The following PARD3 variants were observed in gnomAD, a reference collection of about 807,000 sequenced individuals.
PARD3 encodes partitioning defective 3 homolog.
In PARD3, 75 loss-of-function variants were observed where a neutral mutation model predicts 155.4. That is an observed-to-expected ratio of 0.48 (90% CI 0.40 to 0.58). PARD3 has a LOEUF of 0.58. Among genes scored for constraint, PARD3 ranks in the 20% least tolerant of loss-of-function variants. PARD3 has a pLI of 0.00. For synonymous variants in PARD3, 576 were observed against 610.5 expected (o/e 0.94, Z 0.83); for missense variants, 1,642 against 1,721.7 (o/e 0.95, Z 0.82).
chr10:34,724,400 A>G (rs189129738), intron 1 of PARD3, among the ~76,000 whole-genome samples: 5 of 152,312 alleles, frequency 3.3e-5, no homozygotes, highest in East Asian at 3.9e-4. Flanking sequence ...TTACATAACT[A>G]AAGAGTTTTT....
intron 4 of PARD3, among the ~76,000 whole-genome samples, chr10:34,458,852 C>T (rs2077473607): frequency 6.6e-6 from 1 of 152,198 alleles, no homozygotes; most frequent in Non-Finnish European, 1.5e-5. Context: ...GCCAACATGG[C>T]CCCTGAATTC....
At chr10:34,402,956 T>A (rs1314842307) in intron 5 of PARD3, among the ~76,000 whole-genome samples, 1 of 152,204 alleles carries the variant, frequency 6.6e-6, no homozygotes, top group African/African-American at 2.4e-5. Flanking sequence ...TTCAAAATCA[T>A]TTGAATAACG....
In PARD3 at chr10:34,298,462, G is replaced by C. The variant is rs529279058; in HGVS notation, c.3066-14217C>G. Among the ~76,000 whole-genome samples the C allele has an allele frequency of 2.0e-5, 3 of 152,328 alleles. No homozygotes were observed. In the South Asian group the frequency reaches 6.2e-4, roughly 32 times the overall value. On this transcript the variant is annotated intron_variant, in intron 20 of 24. Coordinates refer to ENST00000374788, the MANE Select transcript of PARD3 (RefSeq NM_001184785.2). ...ACACACTACAACACGGATGAGCCTT[G>C]AGGACATTATACTAAGTGAAATCAA... is the stretch of plus-strand genomic sequence containing the variant.
rs184719760 is a variant in PARD3 at position 34,575,395 on chromosome 10, T to A, written c.223-58236A>T. ...CTCTTGGGACATAATCACAAGGGAG[T>A]AGGCTTTATCTATTTTCCTCAAATT... On this transcript the variant is annotated intron_variant, in intron 2 of 24. Transcript: ENST00000374788. 2.4e-3 allele frequency among the ~76,000 whole-genome samples: 364 copies of A among 152,104 alleles called. 1 individual carries two copies. The highest frequency in any genetic ancestry group is 4.1e-3 in the Non-Finnish European group (279 of 67,990).
intron 1 of PARD3, among the ~76,000 whole-genome samples, chr10:34,814,280 C>T (rs1344322747): frequency 6.6e-6 from 1 of 152,148 alleles, no homozygotes; most frequent in Non-Finnish European, 1.5e-5. Context: ...AACCCTGCAG[C>T]CCCCGGACGC....
intron 22 of PARD3, among the ~76,000 whole-genome samples, chr10:34,175,968 G>T (rs1300747388): frequency 6.6e-6 from 1 of 152,180 alleles, no homozygotes; most frequent in East Asian, 1.9e-4. Context: ...GGTGACTTCA[G>T]TCACTCAGCA....
intron 22 of PARD3, among the ~76,000 whole-genome samples, chr10:34,145,209 ATATATATATATATTT>A (rs1467317922): frequency 1.6e-5 from 1 of 63,720 alleles, no homozygotes; most frequent in African/African-American, 8.8e-5. Context: ...ATATATATAT[ATATATATATATATTT>A]TTTTTTTTTT....
intron 2 of PARD3, among the ~76,000 whole-genome samples, chr10:34,693,389 T>G (rs930209957): frequency 5.3e-5 from 8 of 152,260 alleles, no homozygotes; most frequent in African/African-American, 1.9e-4. Context: ...GAAAATGTGG[T>G]ACAAACATAC....
At chr10:34,426,090 T>C (rs946947446) in intron 5 of PARD3, among the ~76,000 whole-genome samples, 1 of 152,112 alleles carries the variant, frequency 6.6e-6, no homozygotes, top group African/African-American at 2.4e-5. Context: ...ATGGCAAATA[T>C]AGTATTATAT....
At chr10:34,349,580 T>TAAAAAAAAAAAAAAAAAA in intron 14 of PARD3, among the ~76,000 whole-genome samples, 3 of 44,710 alleles carry the variant, frequency 6.7e-5, no homozygotes, top group Admixed American at 3.3e-4. Context: ...TCTGGGAAAG[T>TAAAAAAAAAAAAAAAAAA]AAAAAAAAAA....
chr10:34,598,735 G>A (rs2089509187), intron 2 of PARD3, among the ~76,000 whole-genome samples: 1 of 152,164 alleles, frequency 6.6e-6, no homozygotes, highest in Non-Finnish European at 1.5e-5. Context: ...AGTAAGTCCT[G>A]GGGGTACCAG....
chr10:34,417,851 G>A (rs987295518), intron 5 of PARD3, among the ~76,000 whole-genome samples: 3 of 152,052 alleles, frequency 2.0e-5, no homozygotes, highest in African/African-American at 7.2e-5. Context: ...AATGACCAAT[G>A]ACCCATCCAG....
chr10:34,528,977 T>G (rs569472148), intron 2 of PARD3, among the ~76,000 whole-genome samples: 29 of 152,070 alleles, frequency 1.9e-4, no homozygotes, highest in Non-Finnish European at 3.4e-4. Flanking sequence ...TGAAGGAAAA[T>G]GACAGATTTT....
At chr10:34,394,236 C>T (rs775551123) in intron 7 of PARD3, among the ~76,000 whole-genome samples, 3 of 152,096 alleles carry the variant, frequency 2.0e-5, no homozygotes, top group African/African-American at 4.8e-5. Flanking sequence ...ATGTTGGCCA[C>T]GCTGGTCTCG....
intron 22 of PARD3, among the ~76,000 whole-genome samples, chr10:34,222,277 T>C (rs184441403): frequency 2.0e-5 from 3 of 152,294 alleles, no homozygotes; most frequent in African/African-American, 4.8e-5. Flanking sequence ...AAAGTATGTA[T>C]TAACAGCTAG....
chr10:34,284,080 G>GAA (rs888023390), intron 21 of PARD3, 55 bp downstream of exon 21: 116 of 760,866 alleles, frequency 1.5e-4, no homozygotes, highest in East Asian at 2.0e-4. Flanking sequence ...AAAGTAGAAA[G>GAA]AAAAAAAAAA....
chr10:34,519,020 T>C (rs2081962838), intron 2 of PARD3, among the ~76,000 whole-genome samples: 1 of 152,176 alleles, frequency 6.6e-6, no homozygotes, highest in Non-Finnish European at 1.5e-5. Context: ...TTGCCAAAAA[T>C]GTATAACGTC....
At chr10:34,296,269 T>C (rs562206207) in intron 20 of PARD3, among the ~76,000 whole-genome samples, 2 of 152,336 alleles carry the variant, frequency 1.3e-5, no homozygotes, top group East Asian at 1.9e-4. Flanking sequence ...TCTTGCTCTG[T>C]TGCCCAGGCT....
chr10:34,800,525 T>G (rs1044773055), intron 1 of PARD3, among the ~76,000 whole-genome samples: 21 of 151,792 alleles, frequency 1.4e-4, no homozygotes, highest in African/African-American at 5.1e-4. Context: ...GCAGGAGAAT[T>G]GCTTGAACCC....
Sources: gnomAD v4.1 joint callset for allele counts (sites outside exome capture counted in the v4.1 genomes callset) on GRCh38, gnomAD v4.1.1 for gene constraint, MANE v1.5 for transcripts, NCBI Gene and HGNC (gene_info 2026-07-23, HGNC 2026-07-21) for gene names.